The following FCRL6 variants were observed in gnomAD, a reference collection of about 807,000 sequenced individuals.
The protein encoded by FCRL6 is Fc receptor-like protein 6.
Under a neutral mutation model 49.1 loss-of-function variants are expected in FCRL6, and 50 were observed. The ratio of observed to expected loss-of-function variants is 1.02; its 90% CI spans 0.81 to 1.29. The LOEUF (loss-of-function observed/expected upper bound fraction) is 1.29. FCRL6 is among the 50% of genes most tolerant of loss of function. The pLI, the probability that FCRL6 is intolerant of heterozygous loss-of-function variation, is 0.00. For missense variants in FCRL6, 571 were observed against 518.5 expected, an observed-to-expected ratio of 1.10 and a Z score of -0.98; for synonymous variants, 213 against 199.6, an observed-to-expected ratio of 1.07 and a Z score of -0.57.
In FCRL6 at chr1:159,815,721, C is replaced by T; in HGVS notation, c.*60C>T. On this transcript the variant is annotated 3_prime_UTR_variant, in exon 10 of 10. Coordinates refer to ENST00000368106, the MANE Select transcript of FCRL6 (RefSeq NM_001004310.3). ...CAGTCTCCAGTGCTCCTCAGGAAGACAGTGGGGTCCTCAACTCTTTCTGTG... is the reference window on the plus strand; with the variant it reads ...CAGTCTCCAGTGCTCCTCAGGAAGATAGTGGGGTCCTCAACTCTTTCTGTG... The T allele has an allele frequency of 6.3e-7, 1 of 1,599,170 alleles. No homozygotes were observed. The highest frequency in any genetic ancestry group is 1.7e-5 in the Admixed American group (1 of 59,882).
chr1:159,800,583 G>A (rs768613672), upstream of FCRL6: 4 of 1,550,088 alleles, frequency 2.6e-6, no homozygotes, highest in South Asian at 4.8e-5. Flanking sequence ...GAGAACGATA[G>A]AGGAAAATAT....
Position 159,808,943 on chromosome 1 carries a change from G to T in FCRL6, c.320-18G>T, listed in dbSNP as rs1347561319. 5 of 1,574,484 alleles carry T rather than the reference G, an allele frequency of 3.2e-6. No homozygotes were observed. Among genetic ancestry groups the T allele is most frequent in the Non-Finnish European group, 4.3e-6 (5 of 1,159,654 alleles). On this transcript the variant is annotated intron_variant, in intron 3 of 9. Transcript: ENST00000368106. ...ATCCAGGACTCCCCTCCTGAGTCCT[G>T]GGCCTGCATCTCCCCAGAGCTGTTT...
chr1:159,810,034 G>A, intron 5 of FCRL6, 60 bp from the exon 6 acceptor site: 3 of 1,570,112 alleles, frequency 1.9e-6, no homozygotes, highest in East Asian at 2.2e-5. Flanking sequence ...TGCCAGGCTA[G>A]AATGCATTTC....
chr1:159,806,729 C>A, intron 2 of FCRL6, 113 bp downstream of exon 2: 1 of 1,043,526 alleles, frequency 9.6e-7, no homozygotes, highest in Non-Finnish European at 1.5e-6. Context: ...AGAGCAGCAC[C>A]AGACTAGGCC....
In FCRL6 at chr1:159,809,002, G is replaced by A. The variant is rs753318478; in HGVS notation, c.361G>A (p.Glu121Lys). The A allele has an allele frequency of 6.2e-6, 10 of 1,613,638 alleles. No homozygotes were observed. Among genetic ancestry groups the A allele is most frequent in the Non-Finnish European group, 7.6e-6 (9 of 1,179,788 alleles). Reference protein sequence around the residue: ...PPVLSAIPSPEPREGSLVTLR... With the variant: ...PPVLSAIPSPKPREGSLVTLR... ...TGTGCTGAGTGCCATCCCCTCTCCTGAGCCCCGAGAGGGTAGCCTGGTGAC... is the reference window on the plus strand; with the variant it reads ...TGTGCTGAGTGCCATCCCCTCTCCTAAGCCCCGAGAGGGTAGCCTGGTGAC... Residue 121 changes from glutamate to lysine, a missense_variant, in exon 4 of 10, where the codon GAG becomes AAG. Coordinates refer to ENST00000368106, the MANE Select transcript of FCRL6 (RefSeq NM_001004310.3).
At chr1:159,814,908 T>G (rs1352980295) in intron 8 of FCRL6, among the ~76,000 whole-genome samples, 2 of 152,200 alleles carry the variant, frequency 1.3e-5, no homozygotes, top group African/African-American at 4.8e-5. Flanking sequence ...ACTGTTGACT[T>G]GGCAAGTCAA....
At chr1:159,806,296 G>A (rs1202072710) in intron 1 of FCRL6, among the ~76,000 whole-genome samples, 2 of 152,258 alleles carry the variant, frequency 1.3e-5, no homozygotes, top group East Asian at 3.8e-4. Context: ...ATAGGGCAAA[G>A]AGTTCTAGGG....
intron 1 of FCRL6, among the ~76,000 whole-genome samples, 197 bp downstream of exon 1, chr1:159,802,652 G>A (rs11584071): frequency 0.039 from 5,940 of 152,274 alleles, 112 homozygotes; most frequent in East Asian, 0.092. Flanking sequence ...TTCCTACCCC[G>A]TAGTCCTGGG....
rs760385288 is a variant in FCRL6, at chr1:159,809,404, C to T, written c.607C>T (p.Pro203Ser). The T allele has an allele frequency of 2.5e-6, 4 of 1,595,312 alleles. No individual in the cohort carries two copies. Among genetic ancestry groups the T allele is most frequent in the Non-Finnish European group, 3.4e-6 (4 of 1,169,018 alleles). Residue 203 changes from proline to serine, a missense_variant and splice_region_variant, in exon 5 of 10, where the codon CCT becomes TCT. Coordinates refer to ENST00000368106, the MANE Select transcript of FCRL6 (RefSeq NM_001004310.3). The part of the protein sequence containing the change: ...SPQLEVRVQA[P>S]VSRPVLTLHH... ...CTCCCACCCCATGTGTGTCCCAGCT[C>T]CTGTATCCCGTCCTGTGCTCACTCT...
chr1:159,815,198 C>T (rs1031968747), intron 8 of FCRL6, among the ~76,000 whole-genome samples: 12 of 152,218 alleles, frequency 7.9e-5, no homozygotes, highest in Non-Finnish European at 1.8e-4. Flanking sequence ...CAAGGAGTCT[C>T]TTAATTGAAG....
intron 6 of FCRL6, among the ~76,000 whole-genome samples, chr1:159,811,370 C>G (rs1364229670): frequency 6.6e-6 from 1 of 152,198 alleles, no homozygotes; most frequent in African/African-American, 2.4e-5. Context: ...TTGTCTAGGA[C>G]AAAAGTGATT....
intron 1 of FCRL6, among the ~76,000 whole-genome samples, chr1:159,803,860 G>A (rs116686494): frequency 4.3e-4 from 66 of 152,270 alleles, no homozygotes; most frequent in Non-Finnish European, 8.8e-4. Flanking sequence ...CTGGGGCTGG[G>A]TGTGTAGCAA....
At chr1:159,812,642 G>A (rs965655273) in intron 6 of FCRL6, among the ~76,000 whole-genome samples, 5 of 152,254 alleles carry the variant, frequency 3.3e-5, no homozygotes, top group African/African-American at 7.2e-5. Flanking sequence ...TGACGAATGA[G>A]CGTTGGAGAA....
chr1:159,815,399 C>G (rs373437108), intron 8 of FCRL6, 29 bp from the exon 9 acceptor site: 9 of 1,610,464 alleles, frequency 5.6e-6, no homozygotes, highest in South Asian at 5.5e-5. Context: ...AGCACAGAGA[C>G]CTGACCTGAG....
intron 1 of FCRL6, among the ~76,000 whole-genome samples, chr1:159,804,775 T>C: frequency 6.6e-6 from 1 of 152,196 alleles, no homozygotes; most frequent in South Asian, 2.1e-4. Flanking sequence ...GCTTCAGTAG[T>C]CTCAACCCTG....
At position 159,815,874 on chromosome 1, in the gene FCRL6, A is replaced by G. The variant is rs1202538324; in HGVS notation, c.*213A>G. On this transcript the variant is annotated 3_prime_UTR_variant, in exon 10 of 10. Coordinates refer to ENST00000368106, the MANE Select transcript of FCRL6 (RefSeq NM_001004310.3). ...ATGGAATGGGAAGGGAGATGCTCCC[A>G]CCAACACACACACTTAGGTTCAATC... The G allele has an allele frequency of 4.1e-5, 22 of 542,812 alleles. No homozygotes were observed. Among genetic ancestry groups the G allele is most frequent in the Non-Finnish European group, 7.0e-5 (21 of 302,104 alleles). 33.6% of individuals were successfully genotyped at this position (542,812 alleles called of 1,614,324 possible).
chr1:159,803,004 C>G (rs1662439445), intron 1 of FCRL6, among the ~76,000 whole-genome samples: 1 of 152,218 alleles, frequency 6.6e-6, no homozygotes, highest in Non-Finnish European at 1.5e-5. Flanking sequence ...GGCCTGTGCT[C>G]TGAGTAACCA....
intron 1 of FCRL6, among the ~76,000 whole-genome samples, chr1:159,803,046 G>A (rs921854344): frequency 6.6e-5 from 10 of 152,260 alleles, no homozygotes; most frequent in South Asian, 6.2e-4. Flanking sequence ...TCTCTCTTCC[G>A]CCTACATCTT....
intron 1 of FCRL6, among the ~76,000 whole-genome samples, chr1:159,805,365 T>A (rs887853411): frequency 7.2e-6 from 1 of 138,116 alleles, no homozygotes; most frequent in Non-Finnish European, 1.5e-5. Context: ...ATTCTTGCAT[T>A]TTTTTTTTGG....
Sources: gnomAD v4.1 joint callset for allele counts (sites outside exome capture counted in the v4.1 genomes callset) on GRCh38, gnomAD v4.1.1 for gene constraint, MANE v1.5 for transcripts, NCBI Gene and HGNC (gene_info 2026-07-23, HGNC 2026-07-21) for gene names.